Variants in PDE4D observed in about 807,000 individuals in gnomAD.
The protein encoded by PDE4D is 3',5'-cyclic-AMP phosphodiesterase 4D.
A neutral mutation model predicts 87.4 loss-of-function variants in PDE4D; 24 were observed. That is an observed-to-expected ratio of 0.27 (90% CI 0.20 to 0.39). The LOEUF (loss-of-function observed/expected upper bound fraction) is 0.39, where lower values mean the gene tolerates loss of function less well. PDE4D is among the 10% of genes least tolerant of loss of function. The pLI is 1.00. For synonymous variants in PDE4D, 384 were observed against 383.2 expected (o/e 1.00, Z -0.02); for missense variants, 714 against 1,041.0 (o/e 0.69, Z 4.32).
At chr5:60,103,368 A>G (rs1345760551) in intron 2 of PDE4D, among the ~76,000 whole-genome samples, 3 of 152,226 alleles carry the variant, frequency 2.0e-5, no homozygotes, top group Non-Finnish European at 4.4e-5. Flanking sequence ...TAAGAAGAAT[A>G]GAAGAATAAA....
rs981960403 is a variant in PDE4D, at chr5:59,590,321, G to C, written c.455+302847C>G. Among the ~76,000 whole-genome samples, 5 of 152,248 alleles carry C rather than the reference G, an allele frequency of 3.3e-5. 1 individual carries two copies. In the East Asian group the frequency reaches 5.8e-4, roughly 18 times the overall value. ...TGTCAAAAATGAAAAAATGTTGTTG[G>C]GTTAGGGTAATGCTAATCTATTTTG... On this transcript the variant is annotated intron_variant, in intron 1 of 14. Coordinates refer to ENST00000340635, the MANE Select transcript of PDE4D (RefSeq NM_001104631.2).
At chr5:59,311,499 CAAAAAAAA>C (rs35020719) in intron 1 of PDE4D, among the ~76,000 whole-genome samples, 5 of 43,356 alleles carry the variant, frequency 1.2e-4, no homozygotes, top group African/African-American at 1.9e-4. Flanking sequence ...GACTCTGTCT[CAAAAAAAA>C]AAAAAAAAAA....
intron 1 of PDE4D, among the ~76,000 whole-genome samples, chr5:59,319,701 T>G (rs184912022): frequency 6.6e-6 from 1 of 152,276 alleles, no homozygotes; most frequent in Non-Finnish European, 1.5e-5. Flanking sequence ...AGTTATGTCT[T>G]TTGGATTAAC....
At chr5:59,050,709 C>T (rs1761424354) in intron 5 of PDE4D, among the ~76,000 whole-genome samples, 1 of 152,176 alleles carries the variant, frequency 6.6e-6, no homozygotes, top group Non-Finnish European at 1.5e-5. Context: ...ACTTTTGAGT[C>T]ACTCAGAACT....
chr5:60,324,512 C>T (rs1360099869), intron 1 of PDE4D, among the ~76,000 whole-genome samples: 1 of 152,206 alleles, frequency 6.6e-6, no homozygotes, highest in Non-Finnish European at 1.5e-5. Context: ...GTACTGTGCA[C>T]CTGTAGTCCC....
At chr5:59,613,738 C>G (rs149287482) in intron 1 of PDE4D, among the ~76,000 whole-genome samples, 1 of 152,206 alleles carries the variant, frequency 6.6e-6, no homozygotes, top group East Asian at 1.9e-4. Flanking sequence ...GATTCACATG[C>G]CTTGACTTAC....
intron 6 of PDE4D, among the ~76,000 whole-genome samples, chr5:59,017,466 A>G (rs1754263067): frequency 6.6e-6 from 1 of 152,180 alleles, no homozygotes; most frequent in African/African-American, 2.4e-5. Flanking sequence ...GAAGAATCCT[A>G]TGAGACAAGA....
chr5:59,712,512 T>G (rs1179204434), intron 1 of PDE4D, among the ~76,000 whole-genome samples: 1 of 146,206 alleles, frequency 6.8e-6, no homozygotes, highest in Non-Finnish European at 1.5e-5. Flanking sequence ...GATTTATTAG[T>G]CCACTGAATT....
At chr5:59,626,402 G>T (rs1028823037) in intron 1 of PDE4D, among the ~76,000 whole-genome samples, 5 of 152,166 alleles carry the variant, frequency 3.3e-5, no homozygotes, top group Non-Finnish European at 1.5e-5. Flanking sequence ...AAAGCTGAAA[G>T]TACTATTGAA....
intron 1 of PDE4D, among the ~76,000 whole-genome samples, chr5:59,330,171 CA>C (rs1447526390): frequency 2.6e-5 from 4 of 152,132 alleles, no homozygotes; most frequent in African/African-American, 4.8e-5. Context: ...TCTTGGGGAT[CA>C]GGGGGCTATT....
intron 1 of PDE4D, among the ~76,000 whole-genome samples, chr5:59,846,918 A>G (rs1743945490): frequency 6.6e-6 from 1 of 152,072 alleles, no homozygotes; most frequent in African/African-American, 2.4e-5. Flanking sequence ...TTTAAAAAAC[A>G]CTGGGTTTTA....
intron 1 of PDE4D, among the ~76,000 whole-genome samples, chr5:59,850,414 G>C (rs76189754): frequency 3.9e-5 from 6 of 152,046 alleles, no homozygotes; most frequent in African/African-American, 1.2e-4. Flanking sequence ...TACCACAAAG[G>C]GTTGTTATAA....
intron 1 of PDE4D, among the ~76,000 whole-genome samples, chr5:60,470,315 A>G (rs780567170): frequency 8.5e-5 from 13 of 152,208 alleles, no homozygotes; most frequent in Non-Finnish European, 1.5e-4. Context: ...TTAATAAAAT[A>G]AACTGTTTCC....
At chr5:59,339,515 G>A (rs1345987209) in intron 1 of PDE4D, among the ~76,000 whole-genome samples, 2 of 152,164 alleles carry the variant, frequency 1.3e-5, no homozygotes, top group African/African-American at 4.8e-5. Flanking sequence ...CAGTTTTTTA[G>A]CAATTCTCAG....
intron 1 of PDE4D, among the ~76,000 whole-genome samples, chr5:59,584,120 G>C (rs1824695021): frequency 6.6e-6 from 1 of 152,190 alleles, no homozygotes; most frequent in Admixed American, 6.5e-5. Context: ...TAATTCACGA[G>C]CCTGAAATCT....
chr5:59,200,001 T>G (rs532458738), intron 2 of PDE4D, among the ~76,000 whole-genome samples: 2 of 148,654 alleles, frequency 1.3e-5, no homozygotes, highest in Non-Finnish European at 1.5e-5. Context: ...CATACATGCA[T>G]GCAACATACA....
At chr5:59,625,635 G>A (rs1046402468) in intron 1 of PDE4D, among the ~76,000 whole-genome samples, 1 of 152,082 alleles carries the variant, frequency 6.6e-6, no homozygotes, top group Admixed American at 6.6e-5. Flanking sequence ...ATAAGAAGAC[G>A]GTGTCTCATA....
chr5:60,315,398 AT>A (rs773286774), intron 1 of PDE4D, among the ~76,000 whole-genome samples: 21 of 152,154 alleles, frequency 1.4e-4, no homozygotes, highest in Non-Finnish European at 2.2e-4. Context: ...CCTTTGTCAG[AT>A]GAGTAGATGG....
intron 2 of PDE4D, among the ~76,000 whole-genome samples, chr5:60,071,197 C>T (rs1339969286): frequency 3.3e-5 from 5 of 151,790 alleles, no homozygotes; most frequent in African/African-American, 4.8e-5. Context: ...TGTATTTCTG[C>T]TCAAATCTTT....
Sources: allele counts gnomAD v4.1 joint callset (sites outside exome capture counted in the v4.1 genomes callset), GRCh38; gene constraint gnomAD v4.1.1; transcripts MANE v1.5; gene names NCBI Gene and HGNC (gene_info 2026-07-23, HGNC 2026-07-21).